The following NBEAL1 variants were observed in gnomAD, a reference collection of about 807,000 sequenced individuals.
NBEAL1 encodes the protein neurobeachin like 1, also known as neurobeachin-like protein 1.
NBEAL1 carries 273 observed loss-of-function variants against 351.3 expected under a neutral mutation model. The observed-to-expected ratio is 0.78, with a 90% CI of 0.70 to 0.86. The LOEUF is 0.86. NBEAL1 is among the 40% of genes least tolerant of loss of function. NBEAL1 has a pLI of 0.00. For missense variants in NBEAL1, 2,961 were observed against 3,201.3 expected, an observed-to-expected ratio of 0.92 and a Z score of 1.81; for synonymous variants, 1,050 against 1,086.4, an observed-to-expected ratio of 0.97 and a Z score of 0.66.
At chr2:203,102,002 T>G (rs2062337224) in intron 12 of NBEAL1, among the ~76,000 whole-genome samples, 1 of 152,234 alleles carries the variant, frequency 6.6e-6, no homozygotes, top group African/African-American at 2.4e-5. Context: ...TGTTTCGTAA[T>G]TCTTGTTGTA....
intron 6 of NBEAL1, among the ~76,000 whole-genome samples, chr2:203,059,755 A>C (rs1292455217): frequency 6.6e-6 from 1 of 152,182 alleles, no homozygotes; most frequent in Non-Finnish European, 1.5e-5. Flanking sequence ...GTGATGGCTC[A>C]TGCCTGTTGT....
At chr2:203,042,003 T>C (rs1288345337) in intron 3 of NBEAL1, 147 bp downstream of exon 3, 1 of 639,462 alleles carries the variant, frequency 1.6e-6, no homozygotes, top group African/African-American at 1.8e-5. Flanking sequence ...CATAGCTAAT[T>C]GATGACAATA....
intron 2 of NBEAL1, among the ~76,000 whole-genome samples, chr2:203,031,052 G>T (rs2060942026): frequency 6.6e-6 from 1 of 152,222 alleles, no homozygotes; most frequent in African/African-American, 2.4e-5. Context: ...ATTACTTTAT[G>T]TAACATTTAG....
chr2:203,138,130 A>T (rs370283033), intron 29 of NBEAL1, 32 bp from the exon 30 acceptor site: 1 of 1,607,944 alleles, frequency 6.2e-7, no homozygotes, highest in Non-Finnish European at 8.5e-7. Context: ...TAAGCTCACA[A>T]TGGTTTTAAG....
At chr2:203,178,972 A>G (rs2064613074) in intron 42 of NBEAL1, among the ~76,000 whole-genome samples, 1 of 152,228 alleles carries the variant, frequency 6.6e-6, no homozygotes, top group Non-Finnish European at 1.5e-5. Context: ...TGAATATACT[A>G]TATACTGAAA....
At chr2:203,140,160 G>C (rs1018615516) in intron 31 of NBEAL1, among the ~76,000 whole-genome samples, 1 of 151,906 alleles carries the variant, frequency 6.6e-6, no homozygotes, top group South Asian at 2.1e-4. Context: ...AAAGTTAGCC[G>C]GGCGTGCTGG....
chr2:203,152,459 G>A (rs906761996), intron 35 of NBEAL1, among the ~76,000 whole-genome samples: 10 of 151,358 alleles, frequency 6.6e-5, no homozygotes, highest in Non-Finnish European at 1.0e-4. Context: ...GCATGGTGGC[G>A]GGCACCTGTA....
intron 52 of NBEAL1, 150 bp from the exon 53 acceptor site, chr2:203,209,011 G>A: frequency 1.5e-6 from 1 of 653,642 alleles, no homozygotes; most frequent in Non-Finnish European, 2.5e-6. Context: ...TTCGAAGTTG[G>A]AATTTTTCCT....
chr2:203,105,268 G>C (rs796107789), intron 12 of NBEAL1, among the ~76,000 whole-genome samples: 159 of 151,766 alleles, frequency 1.0e-3, no homozygotes, highest in African/African-American at 3.7e-3. Flanking sequence ...CGAGACCATC[G>C]TGGCTAACAC....
At position 203,221,773 on chromosome 2, in the gene NBEAL1, A is replaced by G. The variant is rs1439796326; in HGVS notation, c.*4419A>G. ...GACTCCATCCAGAGCATTGTTCTAT[A>G]GAGTTTTCCTGTATTTATCAGAGTC... On this transcript the variant is annotated 3_prime_UTR_variant, in exon 56 of 56. Transcript: ENST00000683969. Among the ~76,000 whole-genome samples, 1 of 152,232 alleles carries G rather than the reference A, an allele frequency of 6.6e-6. No individual in the cohort carries two copies. Among genetic ancestry groups the G allele is most frequent in the Non-Finnish European group, 1.5e-5 (1 of 68,044 alleles).
At chr2:203,122,704 T>TCACATTCATTCACATGCCTGTGA in intron 19 of NBEAL1, among the ~76,000 whole-genome samples, 1 of 152,334 alleles carries the variant, frequency 6.6e-6, no homozygotes, top group East Asian at 1.9e-4. Flanking sequence ...TTCATTGGCC[T>TCACATTCATTCACATGCCTGTGA]CATATTTATG....
At chr2:203,123,208 T>G (rs1262258977) in intron 19 of NBEAL1, among the ~76,000 whole-genome samples, 1 of 151,872 alleles carries the variant, frequency 6.6e-6, no homozygotes, top group Non-Finnish European at 1.5e-5. Context: ...AAAGAAATCA[T>G]TAAGATAATT....
chr2:203,197,509 C>A, intron 48 of NBEAL1, 118 bp downstream of exon 48: 1 of 609,762 alleles, frequency 1.6e-6, no homozygotes, highest in Non-Finnish European at 2.9e-6. Context: ...TGGTTCATGC[C>A]TGTAATCCCA....
At chr2:203,170,560 G>A (rs2064288254) in intron 39 of NBEAL1, among the ~76,000 whole-genome samples, 1 of 152,074 alleles carries the variant, frequency 6.6e-6, no homozygotes, top group Non-Finnish European at 1.5e-5. Context: ...GTTCTGCCAG[G>A]ACGCAAAGGA....
chr2:203,083,976 CTGTGTGTGTGTGTGTGTG>C lies in NBEAL1; in HGVS notation c.992-459_992-442del, dbSNP rs59252809. 3.7e-4 allele frequency among the ~76,000 whole-genome samples: 50 copies of C among 134,196 alleles called. No homozygotes were observed. In the East Asian group the frequency reaches 3.8e-3, roughly 10 times the overall value. 88.0% of individuals were successfully genotyped at this position (134,196 alleles called of 152,430 possible). On this transcript the variant is annotated intron_variant, in intron 9 of 55. Transcript: ENST00000683969. ...TTTTGTTTCTTTTTTTCCTCAGAGCCTGTGTGTGTGTGTGTGTGTGTGTGTGTGTGTGTGTGTGTGTGT... is the reference window on the plus strand; with the variant it reads ...TTTTGTTTCTTTTTTTCCTCAGAGCCTGTGTGTGTGTGTGTGTGTGTGTGT...
chr2:203,024,566 A>G (rs1004998052), intron 2 of NBEAL1, among the ~76,000 whole-genome samples: 14 of 148,858 alleles, frequency 9.4e-5, no homozygotes, highest in Admixed American at 8.1e-4. Flanking sequence ...AAAAAAAAAG[A>G]AAAAAAGAAA....
intron 10 of NBEAL1, among the ~76,000 whole-genome samples, chr2:203,088,977 G>C (rs979085496): frequency 6.6e-6 from 1 of 152,060 alleles, no homozygotes; most frequent in Non-Finnish European, 1.5e-5. Context: ...TGTAAAAGAG[G>C]GCAGAGTAGG....
At chr2:203,162,282 C>G (rs2063990886) in intron 36 of NBEAL1, among the ~76,000 whole-genome samples, 1 of 151,948 alleles carries the variant, frequency 6.6e-6, no homozygotes, top group African/African-American at 2.4e-5. Context: ...CCTTGGCCAC[C>G]CAAAGTGCTG....
At chr2:203,039,590 C>T (rs1234146671) in intron 2 of NBEAL1, among the ~76,000 whole-genome samples, 4 of 151,868 alleles carry the variant, frequency 2.6e-5, no homozygotes, top group South Asian at 4.1e-4. Context: ...GATGGGGTTT[C>T]GCCATGTTGG....
Sources: allele counts gnomAD v4.1 joint callset (sites outside exome capture counted in the v4.1 genomes callset), GRCh38; gene constraint gnomAD v4.1.1; transcripts MANE v1.5; gene names NCBI Gene and HGNC (gene_info 2026-07-23, HGNC 2026-07-21).